The following CPA6 variants were observed in gnomAD, a reference collection of about 807,000 sequenced individuals.
The protein encoded by CPA6 is carboxypeptidase A6, also known as carboxypeptidase B.
In CPA6, 58 loss-of-function variants were observed where a neutral mutation model predicts 63.3. That is an observed-to-expected ratio of 0.92 (90% CI 0.74 to 1.14). CPA6 has a LOEUF of 1.14. Among genes scored for constraint, CPA6 ranks in the 50% most tolerant of loss-of-function variants. CPA6 has a pLI of 0.00. For synonymous variants in CPA6, 185 were observed against 179.0 expected (o/e 1.03, Z -0.27); for missense variants, 565 against 526.6 (o/e 1.07, Z -0.71).
intron 2 of CPA6, among the ~76,000 whole-genome samples, chr8:67,574,594 T>C (rs918964729): frequency 2.0e-5 from 3 of 152,130 alleles, no homozygotes; most frequent in Admixed American, 1.3e-4. Flanking sequence ...TGTTCCTCTA[T>C]GGTCAATGAA....
At chr8:67,442,559 A>G (rs1278181033) in intron 8 of CPA6, among the ~76,000 whole-genome samples, 1 of 152,166 alleles carries the variant, frequency 6.6e-6, no homozygotes, top group East Asian at 1.9e-4. Flanking sequence ...AAAAGTATAA[A>G]GGCAAGAGAC....
intron 8 of CPA6, among the ~76,000 whole-genome samples, chr8:67,481,547 T>G (rs779695226): frequency 2.0e-5 from 3 of 152,240 alleles, no homozygotes; most frequent in Non-Finnish European, 4.4e-5. Flanking sequence ...AGATTCTTCA[T>G]GGTAAAAAGC....
At chr8:67,565,166 C>T (rs1209076027) in intron 2 of CPA6, among the ~76,000 whole-genome samples, 1 of 115,732 alleles carries the variant, frequency 8.6e-6, no homozygotes, top group Non-Finnish European at 2.1e-5. Flanking sequence ...TTTTCTTTTT[C>T]TTTCTTTTTT....
intron 6 of CPA6, among the ~76,000 whole-genome samples, chr8:67,494,805 T>A (rs1047118021): frequency 2.6e-5 from 4 of 152,216 alleles, no homozygotes; most frequent in African/African-American, 9.7e-5. Context: ...CTTATCAGCT[T>A]ATGTAATACA....
chr8:67,705,877 C>T (rs888024159), intron 1 of CPA6, among the ~76,000 whole-genome samples: 3 of 152,058 alleles, frequency 2.0e-5, no homozygotes, highest in Non-Finnish European at 4.4e-5. Context: ...ACATGCAGTA[C>T]AAACCAAAAC....
chr8:67,436,436 G>C (rs1199484147), intron 8 of CPA6, among the ~76,000 whole-genome samples: 1 of 126,656 alleles, frequency 7.9e-6, no homozygotes, highest in African/African-American at 4.1e-5. Context: ...TTTTGGCAAC[G>C]ACCAAAAAAA....
chr8:67,519,949 C>T (rs966593), intron 2 of CPA6, among the ~76,000 whole-genome samples: 23,087 of 151,638 alleles, frequency 0.15, 4,905 homozygotes, highest in African/African-American at 0.48. Flanking sequence ...ATTTTTTTGG[C>T]GTTCTATTCT....
intron 8 of CPA6, among the ~76,000 whole-genome samples, chr8:67,463,451 A>AAAAT (rs771013655): frequency 0.028 from 4,032 of 142,238 alleles, 157 homozygotes; most frequent in African/African-American, 0.11. Context: ...CTCTCTCTCA[A>AAAAT]AAATAAATAA....
In CPA6 at chr8:67,555,673, C is replaced by A. The variant is rs533440156; in HGVS notation, c.193-37626G>T. 2.2e-4 allele frequency among the ~76,000 whole-genome samples: 34 copies of A among 152,176 alleles called. No individual in the cohort carries two copies. In the South Asian group the frequency reaches 6.2e-3, roughly 28 times the overall value. On this transcript the variant is annotated intron_variant, in intron 2 of 10. Coordinates refer to ENST00000297770, the MANE Select transcript of CPA6 (RefSeq NM_020361.5). ...CAGAAGTATGGGCAGCCTGGGCATC[C>A]CATTTGTAGCTGGTGTCTGAAGTGG...
chr8:67,607,195 C>T (rs1345786464), intron 2 of CPA6, among the ~76,000 whole-genome samples: 1 of 63,144 alleles, frequency 1.6e-5, no homozygotes, highest in Non-Finnish European at 3.0e-5. Flanking sequence ...TCTTCTTCTT[C>T]TTCTTCTTCT....
chr8:67,665,823 C>T, intron 1 of CPA6, among the ~76,000 whole-genome samples: 1 of 152,172 alleles, frequency 6.6e-6, no homozygotes, highest in East Asian at 1.9e-4. Flanking sequence ...GCTACTTAAC[C>T]TCTCTAGTCG....
At chr8:67,489,905 A>G (rs920321875) in intron 6 of CPA6, among the ~76,000 whole-genome samples, 1 of 152,210 alleles carries the variant, frequency 6.6e-6, no homozygotes, top group African/African-American at 2.4e-5. Flanking sequence ...TAATCAAAGA[A>G]GCTGTTCTCT....
chr8:67,576,285 T>C (rs1813623607), intron 2 of CPA6, among the ~76,000 whole-genome samples: 1 of 152,234 alleles, frequency 6.6e-6, no homozygotes, highest in Admixed American at 6.5e-5. Context: ...CATAACTTTA[T>C]ACTGCATAAA....
At chr8:67,511,353 C>T (rs1392061259) in intron 4 of CPA6, among the ~76,000 whole-genome samples, 188 bp downstream of exon 4, 1 of 152,122 alleles carries the variant, frequency 6.6e-6, no homozygotes, top group Non-Finnish European at 1.5e-5. Flanking sequence ...TTCTTATATA[C>T]CATCAAAGAC....
At chr8:67,725,876 T>C (rs1817587192) in intron 1 of CPA6, among the ~76,000 whole-genome samples, 1 of 152,148 alleles carries the variant, frequency 6.6e-6, no homozygotes, top group African/African-American at 2.4e-5. Flanking sequence ...AATTAAAATG[T>C]ACTTAAGAAT....
chr8:67,709,185 T>G (rs1817201655), intron 1 of CPA6, among the ~76,000 whole-genome samples: 1 of 152,146 alleles, frequency 6.6e-6, no homozygotes, highest in African/African-American at 2.4e-5. Context: ...CCCTGTCACA[T>G]GCTAGCAGGC....
intron 2 of CPA6, among the ~76,000 whole-genome samples, chr8:67,606,871 C>T (rs1316596060): frequency 1.3e-5 from 2 of 152,184 alleles, no homozygotes; most frequent in Non-Finnish European, 2.9e-5. Context: ...CAGTCAACTT[C>T]TGGTTTGTTC....
At chr8:67,560,769 C>T (rs906895941) in intron 2 of CPA6, among the ~76,000 whole-genome samples, 7 of 152,092 alleles carry the variant, frequency 4.6e-5, no homozygotes, top group African/African-American at 1.7e-4. Context: ...GTTGCTAGGC[C>T]ACCTCCCATT....
intron 1 of CPA6, among the ~76,000 whole-genome samples, chr8:67,715,998 A>G (rs1331161416): frequency 6.6e-6 from 1 of 152,036 alleles, no homozygotes; most frequent in African/African-American, 2.4e-5. Context: ...TACTAAAAAT[A>G]CAAAAATTAG....
Sources: allele counts gnomAD v4.1 joint callset (sites outside exome capture counted in the v4.1 genomes callset), GRCh38; gene constraint gnomAD v4.1.1; transcripts MANE v1.5; gene names NCBI Gene and HGNC (gene_info 2026-07-23, HGNC 2026-07-21).